Variants in KAZN observed in about 807,000 individuals in gnomAD.
KAZN encodes kazrin.
A neutral mutation model predicts 87.4 loss-of-function variants in KAZN; 40 were observed. The observed-to-expected ratio is 0.46, with a 90% CI of 0.36 to 0.60. The LOEUF (loss-of-function observed/expected upper bound fraction) is 0.60. Ranked by LOEUF, KAZN falls within the 20% of genes least tolerant of loss-of-function variation. The pLI, the probability that KAZN is intolerant of heterozygous loss-of-function variation, is 0.00. For synonymous variants in KAZN, 466 were observed against 458.3 expected, an observed-to-expected ratio of 1.02 and a Z score of -0.22; for missense variants, 898 against 1,073.9, an observed-to-expected ratio of 0.84 and a Z score of 2.29.
chr1:14,968,740 C>T (rs1172049919), intron 2 of KAZN, among the ~76,000 whole-genome samples: 1 of 152,186 alleles, frequency 6.6e-6, no homozygotes, highest in African/African-American at 2.4e-5. Flanking sequence ...CTTTTCCCTG[C>T]CACAGAGTGA....
At position 14,306,060 on chromosome 1, in the gene KAZN, TG is replaced by T. The variant is rs1654902753; in HGVS notation, c.249+125469del. Among the ~76,000 whole-genome samples, 3 of 152,300 alleles carry T rather than the reference TG, an allele frequency of 2.0e-5. No individual in the cohort carries two copies. The South Asian group carries it at 6.2e-4, about 32-fold the overall frequency. ...CCCAGTCCAGGGAGGAAACAATTTT[TG>T]TTGGAAGACATTAAATTGCTTGGCT... is the stretch of plus-strand genomic sequence containing the variant. On this transcript the variant is annotated intron_variant, in intron 2 of 16. Coordinates refer to the KAZN transcript ENST00000636203.
chr1:13,977,249 A>C (rs1638408948), intron 1 of KAZN, among the ~76,000 whole-genome samples: 1 of 152,212 alleles, frequency 6.6e-6, no homozygotes, highest in South Asian at 2.1e-4. Flanking sequence ...GTACATTGGA[A>C]AGAACATGAA....
At chr1:14,568,759 A>G (rs1363742460) in intron 2 of KAZN, among the ~76,000 whole-genome samples, 3 of 152,178 alleles carry the variant, frequency 2.0e-5, no homozygotes, top group African/African-American at 7.2e-5. Flanking sequence ...CAGGCTTCTG[A>G]CCCACAGAAG....
intron 1 of KAZN, among the ~76,000 whole-genome samples, chr1:14,874,427 GT>G (rs1652513518): frequency 6.6e-6 from 1 of 152,186 alleles, no homozygotes; most frequent in Non-Finnish European, 1.5e-5. Flanking sequence ...ACCTTGAGTT[GT>G]TTCAGAGGAA....
chr1:14,944,227 T>TAA (rs34463773), intron 1 of KAZN, among the ~76,000 whole-genome samples: 3,700 of 127,594 alleles, frequency 0.029, 192 homozygotes, highest in African/African-American at 0.091. Flanking sequence ...CTCCCCCTCC[T>TAA]AAAAAAAAAA....
intron 2 of KAZN, among the ~76,000 whole-genome samples, chr1:14,357,849 A>C (rs1196958341): frequency 6.6e-6 from 1 of 152,130 alleles, no homozygotes; most frequent in East Asian, 1.9e-4. Context: ...GGATTTTTGC[A>C]CTGATGTTCA....
chr1:14,672,787 A>G (rs1353053829), intron 1 of KAZN, among the ~76,000 whole-genome samples: 1 of 152,136 alleles, frequency 6.6e-6, no homozygotes, highest in East Asian at 1.9e-4. Flanking sequence ...ACAGGCACCA[A>G]AAAGTGTGGC....
At chr1:14,420,085 G>T (rs1427530732) in intron 2 of KAZN, among the ~76,000 whole-genome samples, 2 of 152,252 alleles carry the variant, frequency 1.3e-5, no homozygotes, top group East Asian at 3.9e-4. Context: ...GAGTTGATTG[G>T]TCCGTTTTGA....
intron 10 of KAZN, 125 bp downstream of exon 10, chr1:15,095,058 C>A: frequency 2.9e-6 from 2 of 680,124 alleles, no homozygotes; most frequent in South Asian, 3.5e-5. Flanking sequence ...CAGGGTGTGA[C>A]TAAGATGGTC....
intron 2 of KAZN, among the ~76,000 whole-genome samples, chr1:14,987,711 C>T (rs1666964465): frequency 6.6e-6 from 1 of 152,150 alleles, no homozygotes; most frequent in Non-Finnish European, 1.5e-5. Context: ...TCATGCGGGG[C>T]TCTGCGGTCC....
chr1:14,115,865 A>G (rs1177218850), intron 1 of KAZN, among the ~76,000 whole-genome samples: 1 of 152,204 alleles, frequency 6.6e-6, no homozygotes, highest in Non-Finnish European at 1.5e-5. Flanking sequence ...TCAGACGGAA[A>G]TAAGGACCTT....
chr1:14,040,772 TTAAAA>T (rs1335669518), intron 1 of KAZN, among the ~76,000 whole-genome samples: 21 of 147,386 alleles, frequency 1.4e-4, no homozygotes, highest in African/African-American at 4.9e-4. Context: ...CTCAAAAAAA[TTAAAA>T]TAAAATAAAA....
At chr1:14,824,489 G>A (rs1280746563) in intron 1 of KAZN, among the ~76,000 whole-genome samples, 5 of 152,200 alleles carry the variant, frequency 3.3e-5, no homozygotes, top group Admixed American at 3.3e-4. Context: ...GCACCCAACA[G>A]CTGTTGTGTG....
At chr1:14,827,316 G>A (rs546104231) in intron 1 of KAZN, among the ~76,000 whole-genome samples, 11 of 152,236 alleles carry the variant, frequency 7.2e-5, no homozygotes, top group Admixed American at 6.5e-4. Flanking sequence ...GCATGAGTAC[G>A]TTCTTTAGTG....
intron 2 of KAZN, among the ~76,000 whole-genome samples, chr1:14,384,065 C>A (rs1571468742): frequency 6.6e-6 from 1 of 151,818 alleles, no homozygotes; most frequent in South Asian, 2.1e-4. Flanking sequence ...GTATTTTATT[C>A]TCTTTGAAGC....
chr1:14,741,385 C>G (rs1207912394), intron 1 of KAZN, among the ~76,000 whole-genome samples: 2 of 152,182 alleles, frequency 1.3e-5, no homozygotes, highest in Non-Finnish European at 2.9e-5. Context: ...AGGCAAATCC[C>G]ATGGGCATGT....
intron 2 of KAZN, among the ~76,000 whole-genome samples, chr1:14,319,433 C>T (rs1279484329): frequency 6.6e-6 from 1 of 152,094 alleles, no homozygotes; most frequent in East Asian, 1.9e-4. Flanking sequence ...CCTCACCCTA[C>T]ACATAGATGT....
At chr1:14,586,619 C>T (rs1675867106) in intron 2 of KAZN, among the ~76,000 whole-genome samples, 1 of 148,116 alleles carries the variant, frequency 6.8e-6, no homozygotes, top group South Asian at 2.2e-4. Context: ...AAGCCTCAAA[C>T]TCCTGGACTC....
intron 1 of KAZN, among the ~76,000 whole-genome samples, chr1:14,817,967 G>A (rs558049902): frequency 4.6e-5 from 7 of 152,292 alleles, no homozygotes; most frequent in East Asian, 1.9e-4. Context: ...AATTCTCAGC[G>A]GTTTTGCTCA....
Sources: allele counts gnomAD v4.1 joint callset (sites outside exome capture counted in the v4.1 genomes callset), GRCh38; gene constraint gnomAD v4.1.1; transcripts MANE v1.5; gene names NCBI Gene and HGNC (gene_info 2026-07-23, HGNC 2026-07-21).